The following PIEZO2 variants were observed in gnomAD, a reference collection of about 807,000 sequenced individuals.
PIEZO2 encodes piezo type mechanosensitive ion channel component 2.
PIEZO2 carries 172 observed loss-of-function variants against 337.3 expected under a neutral mutation model. The ratio of observed to expected loss-of-function variants is 0.51; its 90% CI spans 0.45 to 0.58. The LOEUF is 0.58. Among genes scored for constraint, PIEZO2 ranks in the 20% least tolerant of loss-of-function variants. The pLI, the probability that PIEZO2 is intolerant of heterozygous loss-of-function variation, is 0.00. For missense variants in PIEZO2, 3,028 were observed against 3,391.3 expected (o/e 0.89, Z 2.66); for synonymous variants, 1,251 against 1,228.5 (o/e 1.02, Z -0.38).
chr18:11,055,035 C>T (rs2037671347), intron 2 of PIEZO2, among the ~76,000 whole-genome samples: 1 of 152,022 alleles, frequency 6.6e-6, no homozygotes, highest in Non-Finnish European at 1.5e-5. Context: ...CACGGTGAAA[C>T]CCCGTCTCTA....
intron 49 of PIEZO2, among the ~76,000 whole-genome samples, chr18:10,684,028 CCCTT>C (rs907021308): frequency 7.9e-5 from 12 of 151,754 alleles, no homozygotes; most frequent in Non-Finnish European, 8.8e-5. Flanking sequence ...GAAATTTTCT[CCCTT>C]CCTTCCTTCC....
At chr18:10,711,957 T>C (rs1188411301) in intron 39 of PIEZO2, among the ~76,000 whole-genome samples, 5 of 147,126 alleles carry the variant, frequency 3.4e-5, no homozygotes. Context: ...AGCAGTGGGA[T>C]GCGTGTGAAT....
At chr18:10,892,239 T>C (rs1007046905) in intron 4 of PIEZO2, among the ~76,000 whole-genome samples, 1 of 152,178 alleles carries the variant, frequency 6.6e-6, no homozygotes, top group African/African-American at 2.4e-5. Context: ...ATTATCACAA[T>C]GTACCCCATA....
rs557209775 is a variant in PIEZO2, at chr18:10,806,339, G to A, written c.1080+773C>T. Among the ~76,000 whole-genome samples the A allele has an allele frequency of 7.4e-4, 112 of 152,118 alleles. 2 individuals are homozygous for A. The highest frequency in any genetic ancestry group is 2.6e-3 in the African/African-American group (107 of 41,488). ...TGTGTCAATAAGCAACCTTGCAACC[G>A]GGCTCCTGACAGTCATTTAGGGGAA... is the stretch of plus-strand genomic sequence containing the variant. On this transcript the variant is annotated intron_variant, in intron 8 of 55. Transcript: ENST00000674853.
intron 12 of PIEZO2, among the ~76,000 whole-genome samples, chr18:10,796,045 T>C (rs1460119769): frequency 1.3e-5 from 2 of 151,996 alleles, no homozygotes; most frequent in African/African-American, 4.8e-5. Flanking sequence ...GGAACCACGG[T>C]TGCTTGATGC....
At position 10,728,722 on chromosome 18, in the gene PIEZO2, G is replaced by A. The variant is rs1233736414; in HGVS notation, c.5029+2685C>T. Among the ~76,000 whole-genome samples, 11 of 151,780 alleles carry A rather than the reference G, an allele frequency of 7.2e-5. No homozygotes were observed. The South Asian group carries it at 8.3e-4, about 11-fold the overall frequency. Reference sequence around the variant, plus strand: ...TGTAATCCCAGCACTTTGGGAGGCCGAGGCGGGCGGATCATGAGGTCAGAA... The same window carrying A: ...TGTAATCCCAGCACTTTGGGAGGCCAAGGCGGGCGGATCATGAGGTCAGAA... On this transcript the variant is annotated intron_variant, in intron 36 of 55. Coordinates refer to ENST00000674853, the MANE Select transcript of PIEZO2 (RefSeq NM_001378183.1).
Position 10,726,668 on chromosome 18 carries a change from C to A in PIEZO2, c.5029+4739G>T, listed in dbSNP as rs1598405662. ...GCCAAGCGCGGCCAGACAGACACCT[C>A]GCTGCCAAGTTAATTCAGCAAGGAC... On this transcript the variant is annotated intron_variant, in intron 36 of 55. Coordinates refer to ENST00000674853, the MANE Select transcript of PIEZO2 (RefSeq NM_001378183.1). The surrounding 1 kb of genome is among the most constrained non-coding windows in gnomAD (Gnocchi z 5.9). The A allele has an allele frequency of 9.8e-6, 14 of 1,422,988 alleles. No homozygotes were observed. The East Asian group carries it at 3.3e-4, about 33-fold the overall frequency. 88.1% of individuals were successfully genotyped at this position (1,422,988 alleles called of 1,614,324 possible). A position where few individuals can be genotyped will look rare whatever the true frequency, so the allele number is the denominator to read the frequency against.
chr18:11,065,538 G>A (rs879792445), intron 2 of PIEZO2, among the ~76,000 whole-genome samples: 2 of 152,128 alleles, frequency 1.3e-5, no homozygotes, highest in Non-Finnish European at 2.9e-5. Context: ...ATGCCTTCAG[G>A]TTCTTATAGA....
intron 36 of PIEZO2, chr18:10,725,335 T>C (rs1361178349): frequency 3.7e-6 from 6 of 1,603,900 alleles, no homozygotes; most frequent in South Asian, 2.2e-5. Flanking sequence ...GAGGTTGTGG[T>C]GCAGCTGAGT....
chr18:10,786,402 G>C (rs756486217), intron 16 of PIEZO2, among the ~76,000 whole-genome samples: 42 of 152,274 alleles, frequency 2.8e-4, no homozygotes, highest in Admixed American at 7.8e-4. Context: ...CAGCTGTGTT[G>C]GTGTAGTTAC....
At chr18:10,704,087 G>C (rs1386723820) in intron 42 of PIEZO2, among the ~76,000 whole-genome samples, 4 of 152,172 alleles carry the variant, frequency 2.6e-5, no homozygotes, top group African/African-American at 7.2e-5. Flanking sequence ...CCCCTCACCA[G>C]TTGGGCAACT....
rs77219694 is a variant in PIEZO2, at chr18:10,773,786, G to T, written c.2568-157C>A. 0.028 allele frequency among the ~76,000 whole-genome samples: 4,274 copies of T among 152,262 alleles called. 200 individuals carry two copies. Among genetic ancestry groups the T allele is most frequent in the African/African-American group, 0.097 (4,043 of 41,540 alleles). ...GCGTTTTGTCACTTTCTTTTTGGTT[G>T]GTTTGTTTGTTTTAAGTTCTTTCTA... On this transcript the variant is annotated intron_variant, in intron 19 of 55. Transcript: ENST00000674853. The surrounding 1 kb of genome is among the most constrained non-coding windows in gnomAD (Gnocchi z 5.3).
rs1245058204 is a variant in PIEZO2 at position 10,863,224 on chromosome 18, C to T, written c.493-6013G>A. ...GGAAGGAAAAGACAAGGTTGTGACT[C>T]ACTGCAGAAGATGAATTTCATCCCC... On this transcript the variant is annotated intron_variant, in intron 5 of 55. Transcript: ENST00000674853. This position sits in a 1 kb window ranked among gnomAD's most constrained non-coding sequence, Gnocchi z 4.3. Among the ~76,000 whole-genome samples the T allele has an allele frequency of 6.6e-6, 1 of 152,116 alleles. No individual in the cohort carries two copies. The highest frequency in any genetic ancestry group is 1.5e-5 in the Non-Finnish European group (1 of 68,020).
In PIEZO2 at chr18:10,726,644, C is replaced by A; in HGVS notation, c.5029+4763G>T. ...GTGCGCTGGGAGTACTGCGCGCGCG[C>A]CAAGCGCGGCCAGACAGACACCTCG... On this transcript the variant is annotated intron_variant, in intron 36 of 55. Transcript: ENST00000674853. This position sits in a 1 kb window ranked among gnomAD's most constrained non-coding sequence, Gnocchi z 5.9. 7.1e-7 allele frequency: 1 copy of A among 1,406,968 alleles called. No individual in the cohort carries two copies. The allele number at this position is 1,406,968 out of a possible 1,614,324, so 87.2% of individuals were successfully genotyped here. A position where few individuals can be genotyped will look rare whatever the true frequency, so the allele number is the denominator to read the frequency against.
Position 10,903,836 on chromosome 18 carries a change from C to T in PIEZO2, c.329+7350G>A, listed in dbSNP as rs527773978. ...ATGAAGCCATTCTTCAAAACTCTGC[C>T]CAGATGTTCCCTGAAGTTAAGCTTT... On this transcript the variant is annotated intron_variant, in intron 4 of 55. Coordinates refer to ENST00000674853, the MANE Select transcript of PIEZO2 (RefSeq NM_001378183.1). This position sits in a 1 kb window ranked among gnomAD's most constrained non-coding sequence, Gnocchi z 4.1. 1.3e-5 allele frequency among the ~76,000 whole-genome samples: 2 copies of T among 152,232 alleles called. No individual in the cohort carries two copies. The highest frequency in any genetic ancestry group is 4.8e-5 in the African/African-American group (2 of 41,538).
intron 13 of PIEZO2, chr18:10,791,697 A>G (rs1199726569): frequency 6.4e-6 from 1 of 156,240 alleles, no homozygotes; most frequent in Non-Finnish European, 1.4e-5. Flanking sequence ...AGGAAGATGT[A>G]CTTCTTGCAT....
chr18:10,694,247 C>T (rs746729615), intron 47 of PIEZO2, among the ~76,000 whole-genome samples: 6 of 151,968 alleles, frequency 3.9e-5, no homozygotes, highest in Non-Finnish European at 5.9e-5. Flanking sequence ...TGAAATCGAA[C>T]GGTCAGAACC....
chr18:11,123,645 A>G (rs534592906), intron 1 of PIEZO2, among the ~76,000 whole-genome samples: 14 of 152,202 alleles, frequency 9.2e-5, no homozygotes, highest in Middle Eastern at 3.4e-3. Flanking sequence ...CATCTCTACT[A>G]AAAATACAAA....
intron 4 of PIEZO2, among the ~76,000 whole-genome samples, chr18:10,882,385 C>T (rs2042445605): frequency 6.6e-6 from 1 of 152,194 alleles, no homozygotes; most frequent in Non-Finnish European, 1.5e-5. Flanking sequence ...TTGACTTCTG[C>T]CTTCCTTTCT....
Sources: gnomAD v4.1 joint callset for allele counts (sites outside exome capture counted in the v4.1 genomes callset) on GRCh38, gnomAD v4.1.1 for gene constraint, Gnocchi (gnomAD v3.1) non-coding constraint, MANE v1.5 for transcripts, NCBI Gene and HGNC (gene_info 2026-07-23, HGNC 2026-07-21) for gene names.